Variants in CSMD3 observed in about 807,000 individuals in gnomAD.
CSMD3 encodes CUB and Sushi multiple domains 3.
CSMD3 carries 177 observed loss-of-function variants against 435.2 expected under a neutral mutation model. That is an observed-to-expected ratio of 0.41 (90% confidence interval 0.36 to 0.46). CSMD3 has a LOEUF of 0.46. Ranked by LOEUF, CSMD3 falls within the 20% of genes least tolerant of loss-of-function variation. CSMD3 has a pLI of 0.34. For missense variants in CSMD3, 4,265 were observed against 4,504.6 expected (o/e 0.95, Z 1.52); for synonymous variants, 1,656 against 1,520.5 (o/e 1.09, Z -2.07).
chr8:113,416,566 G>A (rs908874360), intron 1 of CSMD3, among the ~76,000 whole-genome samples: 13 of 152,018 alleles, frequency 8.6e-5, no homozygotes, highest in Non-Finnish European at 1.9e-4. Context: ...TGCAGGTATT[G>A]AATACTAGTT....
intron 41 of CSMD3, among the ~76,000 whole-genome samples, chr8:112,343,695 C>T (rs765472958): frequency 1.8e-4 from 28 of 152,044 alleles, no homozygotes; most frequent in Non-Finnish European, 3.4e-4. Flanking sequence ...GGTGGCCCAG[C>T]TGCTCAGTGG....
rs1042870847 is a variant in CSMD3, at chr8:112,550,790, A to G, written c.4445T>C (p.Leu1482Ser). 1 of 1,608,934 alleles carries G rather than the reference A, an allele frequency of 6.2e-7. No homozygotes were observed. Among genetic ancestry groups the G allele is most frequent in the African/African-American group, 1.3e-5 (1 of 74,766 alleles). ...WDGPPENDML[L>S]KEISGSLIPE... is the part of the protein sequence containing the mutation. Reference sequence around the variant, plus strand: ...AATAAGAGATCCACTAATTTCCTTTAAAAGCATATCATTTTCTGGTGGACC... The same window carrying G: ...AATAAGAGATCCACTAATTTCCTTTGAAAGCATATCATTTTCTGGTGGACC... Residue 1482 changes from leucine to serine, a missense_variant, in exon 27 of 71, where the codon TTA becomes TCA. This residue lies in a region of CSMD3 where 3,255 missense variants were observed against 3,380.2 expected (regional missense o/e 0.96). Coordinates refer to ENST00000297405, the MANE Select transcript of CSMD3 (RefSeq NM_198123.2).
chr8:112,728,668 T>C (rs1014695437), intron 13 of CSMD3, among the ~76,000 whole-genome samples: 6 of 151,982 alleles, frequency 3.9e-5, no homozygotes, highest in Non-Finnish European at 8.8e-5. Context: ...TTTCTGTAAC[T>C]TCAAGAAGGA....
chr8:112,442,254 C>A (rs919254024), intron 32 of CSMD3, among the ~76,000 whole-genome samples: 12 of 152,086 alleles, frequency 7.9e-5, no homozygotes, highest in Admixed American at 5.9e-4. Flanking sequence ...AGGGATCCAT[C>A]CCCATGACCC....
chr8:112,405,007 G>A (rs1393597763), intron 35 of CSMD3, among the ~76,000 whole-genome samples: 3 of 149,910 alleles, frequency 2.0e-5, no homozygotes, highest in African/African-American at 7.4e-5. Flanking sequence ...GTGAGACCTG[G>A]TCCCTTTTGT....
chr8:112,875,350 A>G (rs1380678848), intron 10 of CSMD3, among the ~76,000 whole-genome samples: 1 of 151,502 alleles, frequency 6.6e-6, no homozygotes, highest in African/African-American at 2.4e-5. Flanking sequence ...TACACTTAAC[A>G]TTTTTTCTTT....
At chr8:113,371,020 G>A (rs748921378) in intron 1 of CSMD3, among the ~76,000 whole-genome samples, 6 of 151,966 alleles carry the variant, frequency 3.9e-5, no homozygotes, top group Non-Finnish European at 8.8e-5. Flanking sequence ...TCTTACCTTC[G>A]TTATAGGTAT....
intron 5 of CSMD3, among the ~76,000 whole-genome samples, chr8:113,049,593 A>T (rs2087997113): frequency 6.6e-6 from 1 of 152,172 alleles, no homozygotes; most frequent in South Asian, 2.1e-4. Context: ...GCAGATCAAT[A>T]AATATGAAGA....
chr8:112,845,919 T>C, intron 11 of CSMD3, among the ~76,000 whole-genome samples: 1 of 151,946 alleles, frequency 6.6e-6, no homozygotes. Context: ...GGAACACTAA[T>C]ATTTAAGGAT....
chr8:112,314,326 AG>A, intron 48 of CSMD3, 102 bp downstream of exon 48: 1 of 875,056 alleles, frequency 1.1e-6, no homozygotes, highest in Middle Eastern at 2.8e-4. Flanking sequence ...AATATCTGTA[AG>A]ATAAACTCAC....
intron 61 of CSMD3, among the ~76,000 whole-genome samples, chr8:112,256,561 G>C (rs1815824690): frequency 6.6e-6 from 1 of 152,184 alleles, no homozygotes; most frequent in South Asian, 2.1e-4. Flanking sequence ...GGCTGGAGCA[G>C]AGTGAGCATG....
At chr8:112,253,973 A>G (rs1022843512) in intron 63 of CSMD3, among the ~76,000 whole-genome samples, 7 of 151,910 alleles carry the variant, frequency 4.6e-5, no homozygotes, top group African/African-American at 1.2e-4. Flanking sequence ...ACTGTCTTAT[A>G]TATAACTCTC....
chr8:113,234,934 C>T (rs914091114), intron 3 of CSMD3, among the ~76,000 whole-genome samples: 2 of 152,090 alleles, frequency 1.3e-5, no homozygotes, highest in Non-Finnish European at 1.5e-5. Context: ...CTAAATGGTT[C>T]GACCATGCCA....
chr8:112,448,619 A>G (rs991611444), intron 32 of CSMD3, among the ~76,000 whole-genome samples: 8 of 152,144 alleles, frequency 5.3e-5, no homozygotes, highest in African/African-American at 1.9e-4. Context: ...CAGATGATAC[A>G]TTGATTTTGA....
At chr8:112,703,517 C>A (rs576152686) in intron 13 of CSMD3, among the ~76,000 whole-genome samples, 2 of 152,222 alleles carry the variant, frequency 1.3e-5, no homozygotes, top group East Asian at 1.9e-4. Flanking sequence ...ATTTTAAATT[C>A]AATCAGATTT....
rs1353570966 is a variant in CSMD3 at position 112,517,077 on chromosome 8, T to C, written c.4713A>G (p.Val1571=). The change falls in exon 28 of 71, where the codon GTA becomes GTG. Residue 1571 remains valine, a synonymous_variant. Coordinates refer to ENST00000297405, the MANE Select transcript of CSMD3 (RefSeq NM_198123.2). ...QGEERITCIQ[V]ENRYFWQPSP... ...TGGGCTGCCAGAAGTACCGATTTTC[T>C]ACCTGAATGCAGGTTATTCTTTCCT... 2 of 1,613,932 alleles carry C rather than the reference T, an allele frequency of 1.2e-6. No homozygotes were observed. Among genetic ancestry groups the C allele is most frequent in the Non-Finnish European group, 8.5e-7 (1 of 1,179,912 alleles).
intron 4 of CSMD3, among the ~76,000 whole-genome samples, chr8:113,130,682 A>G (rs1314542586): frequency 6.6e-6 from 1 of 152,174 alleles, no homozygotes; most frequent in Non-Finnish European, 1.5e-5. Context: ...GTACATGAAA[A>G]AGTGGAAGTG....
intron 5 of CSMD3, among the ~76,000 whole-genome samples, chr8:113,021,387 C>A (rs2086678868): frequency 6.6e-6 from 1 of 152,132 alleles, no homozygotes; most frequent in South Asian, 2.1e-4. Flanking sequence ...ATAGTTCATG[C>A]CAGATTTTGA....
At chr8:113,159,047 C>A (rs976680585) in intron 4 of CSMD3, among the ~76,000 whole-genome samples, 1 of 151,806 alleles carries the variant, frequency 6.6e-6, no homozygotes, top group Non-Finnish European at 1.5e-5. Flanking sequence ...AAAGGAAAGG[C>A]CTTGTTAGGA....
Sources: gnomAD v4.1 joint callset for allele counts (sites outside exome capture counted in the v4.1 genomes callset) on GRCh38, gnomAD v4.1.1 for gene constraint, gnomAD v4.1.1 regional missense constraint, MANE v1.5 for transcripts, NCBI Gene and HGNC (gene_info 2026-07-23, HGNC 2026-07-21) for gene names.